DSG4: variants seen among roughly 807,000 people sequenced by gnomAD.
DSG4 encodes desmoglein 4.
In DSG4, 87 loss-of-function variants were observed where a neutral mutation model predicts 93.1. That is an observed-to-expected ratio of 0.93 (90% CI 0.79 to 1.12). The LOEUF (loss-of-function observed/expected upper bound fraction) is 1.12. Ranked by LOEUF, DSG4 falls within the 50% of genes most tolerant of loss-of-function variation. The pLI is 0.00. For missense variants in DSG4, 1,373 were observed against 1,285.7 expected (o/e 1.07, Z -1.04); for synonymous variants, 432 against 452.9 (o/e 0.95, Z 0.59).
chr18:31,392,445 A>G (rs931299953), intron 8 of DSG4, 105 bp downstream of exon 8: 1 of 1,218,222 alleles, frequency 8.2e-7, no homozygotes, highest in Non-Finnish European at 1.2e-6. Context: ...AGTACTTCAT[A>G]ACTTTGAATA....
intron 1 of DSG4, 134 bp downstream of exon 1, chr18:31,377,093 T>C: frequency 1.0e-6 from 1 of 996,608 alleles, no homozygotes; most frequent in Non-Finnish European, 1.5e-6. Context: ...AAGTCCAGCC[T>C]CTGTTAATTT....
Position 31,391,660 on chromosome 18 carries a change from G to A in DSG4, c.819+448G>A, listed in dbSNP as rs569169135. On this transcript the variant is annotated intron_variant, in intron 7 of 15. Coordinates refer to ENST00000308128, the MANE Select transcript of DSG4 (RefSeq NM_177986.5). ...CAAATCTGGCTTGCTGTCTGTTTCG[G>A]TTTAAAAAAAAAAACAAAAAAACAA... 3.3e-5 allele frequency among the ~76,000 whole-genome samples: 5 copies of A among 150,256 alleles called. No homozygotes were observed. In the East Asian group the frequency reaches 5.8e-4, roughly 17 times the overall value.
Position 31,386,778 on chromosome 18 carries a change from C to T in DSG4, c.175C>T (p.Arg59Ter), listed in dbSNP as rs1443288474. 2.5e-6 allele frequency: 4 copies of T among 1,613,126 alleles called. No individual in the cohort carries two copies. Among genetic ancestry groups the T allele is most frequent in the Admixed American group, 1.7e-5 (1 of 59,924 alleles). Residue 59 changes from arginine to a stop codon, truncating the protein, a stop_gained, in exon 3 of 16, where the codon CGA becomes TGA. Transcript: ENST00000308128. LOFTEE classifies it high-confidence loss of function. The part of the protein sequence containing the change: ...REWIKFAAAC[R>*]EGEDNSKRNP... ...GTGGATCAAGTTTGCCGCAGCCTGT[C>T]GAGAAGGAGAGGACAACTCGAAGAG...
chr18:31,401,078 T>A, intron 10 of DSG4, 58 bp downstream of exon 10: 1 of 1,391,528 alleles, frequency 7.2e-7, no homozygotes, highest in Non-Finnish European at 9.8e-7. Flanking sequence ...TTAAATATTA[T>A]GTTATTCTAA....
intron 1 of DSG4, among the ~76,000 whole-genome samples, chr18:31,381,263 TC>T (rs1384421242): frequency 6.6e-6 from 1 of 152,170 alleles, no homozygotes; most frequent in African/African-American, 2.4e-5. Context: ...AGGTATTGGT[TC>T]TCTGAAGCTG....
chr18:31,385,832 C>T (rs2072181111), intron 2 of DSG4, among the ~76,000 whole-genome samples: 1 of 152,026 alleles, frequency 6.6e-6, no homozygotes, highest in Non-Finnish European at 1.5e-5. Flanking sequence ...CACCTCCTTC[C>T]CCCAAAGTGG....
intron 9 of DSG4, among the ~76,000 whole-genome samples, chr18:31,400,155 T>A (rs1321677517): frequency 6.6e-6 from 1 of 152,204 alleles, no homozygotes; most frequent in Non-Finnish European, 1.5e-5. Flanking sequence ...CTTCTCTATA[T>A]CCTGCCCTTC....
At chr18:31,382,802 G>C (rs2072149883) in intron 1 of DSG4, among the ~76,000 whole-genome samples, 1 of 152,138 alleles carries the variant, frequency 6.6e-6, no homozygotes, top group African/African-American at 2.4e-5. Flanking sequence ...CACAGCATAG[G>C]TTCTGCTAGA....
At position 31,403,478 on chromosome 18, in the gene DSG4, T is replaced by C. The variant is rs150676638; in HGVS notation, c.1480T>C (p.Cys494Arg). The C allele has an allele frequency of 2.6e-3, 4,131 of 1,613,998 alleles. 10 individuals are homozygous for C. The highest frequency in any genetic ancestry group is 3.2e-3 in the Non-Finnish European group (3,718 of 1,179,936). Residue 494 changes from cysteine to arginine, a missense_variant, in exon 11 of 16, where the codon TGT (cysteine) becomes CGT (arginine). Physicochemically the swap from Cys to Arg is radical, Grantham distance 180. Transcript: ENST00000308128. ...TGAGGTTCCTGATATCAATGATTAT[T>C]GTCCAAACATTTTTCCTGAAAGAAG... ...CIEVPDINDY[C>R]PNIFPERRTI...
At chr18:31,386,278 G>T (rs1055976260) in intron 2 of DSG4, among the ~76,000 whole-genome samples, 8 of 152,052 alleles carry the variant, frequency 5.3e-5, no homozygotes, top group African/African-American at 1.9e-4. Context: ...ATGTTATATG[G>T]GATGTGCATA....
At chr18:31,407,311 T>G (rs940677498) in intron 12 of DSG4, among the ~76,000 whole-genome samples, 6 of 152,174 alleles carry the variant, frequency 3.9e-5, no homozygotes, top group African/African-American at 1.4e-4. Flanking sequence ...TGAGGGCTGA[T>G]GAGCGCAGGT....
At chr18:31,380,407 C>T (rs968567165) in intron 1 of DSG4, among the ~76,000 whole-genome samples, 2 of 152,130 alleles carry the variant, frequency 1.3e-5, no homozygotes, top group Non-Finnish European at 2.9e-5. Flanking sequence ...TGTTTCCTTC[C>T]CTTCCCCAAG....
At chr18:31,398,195 T>A (rs2072326223) in intron 8 of DSG4, among the ~76,000 whole-genome samples, 2 of 152,154 alleles carry the variant, frequency 1.3e-5, no homozygotes, top group African/African-American at 4.8e-5. Context: ...AAGTATCATG[T>A]GGGGTGGTCT....
chr18:31,390,963 T>TAC, intron 6 of DSG4, 115 bp from the exon 7 acceptor site: 1 of 1,510,376 alleles, frequency 6.6e-7, no homozygotes, highest in Non-Finnish European at 9.0e-7. Flanking sequence ...AAAGCTCAAT[T>TAC]ATATAAATTT....
At chr18:31,397,808 C>T (rs1203657040) in intron 8 of DSG4, among the ~76,000 whole-genome samples, 3 of 152,018 alleles carry the variant, frequency 2.0e-5, no homozygotes, top group Admixed American at 2.0e-4. Context: ...AGGTGGATCA[C>T]CCAAGGTCAG....
At chr18:31,386,242 G>C (rs111797626) in intron 2 of DSG4, among the ~76,000 whole-genome samples, 1 of 152,092 alleles carries the variant, frequency 6.6e-6, no homozygotes, top group Non-Finnish European at 1.5e-5. Context: ...TCTTTTAGGT[G>C]AGCACGACTC....
At chr18:31,383,965 A>T (rs1358920676) in intron 1 of DSG4, among the ~76,000 whole-genome samples, 2 of 152,186 alleles carry the variant, frequency 1.3e-5, no homozygotes, top group African/African-American at 4.8e-5. Context: ...AATCATTTTG[A>T]TGATAAATTG....
chr18:31,401,604 A>C (rs2072367963), intron 10 of DSG4: 1 of 152,260 alleles, frequency 6.6e-6, no homozygotes, highest in African/African-American at 2.4e-5. Flanking sequence ...GCCACCTCTC[A>C]CATGGGTAAA....
At position 31,413,468 on chromosome 18, in the gene DSG4, C is replaced by A; in HGVS notation, c.2996C>A (p.Pro999Gln). 3 of 1,611,768 alleles carry A rather than the reference C, an allele frequency of 1.9e-6. No homozygotes were observed. Among genetic ancestry groups the A allele is most frequent in the Non-Finnish European group, 2.5e-6 (3 of 1,178,236 alleles). Reference protein sequence around the residue: ...PVMSGNILVGPEIQVMQMMSP... With the variant: ...PVMSGNILVGQEIQVMQMMSP... ...ATGAGCGGCAATATTTTAGTAGGGC[C>A]AGAAATTCAAGTGATGCAAATGATG... The change falls in exon 16 of 16, where the codon CCA (proline) becomes CAA (glutamine). Residue 999 changes from proline (P) to glutamine (Q), a missense_variant. Transcript: ENST00000308128.
Sources: allele counts gnomAD v4.1 joint callset (sites outside exome capture counted in the v4.1 genomes callset), GRCh38; gene constraint gnomAD v4.1.1; transcripts MANE v1.5; gene names NCBI Gene and HGNC (gene_info 2026-07-23, HGNC 2026-07-21).